Variants in ENTREP2 observed in about 807,000 individuals in gnomAD.
ENTREP2 encodes endosomal transmembrane epsin interactor 2.
At chr15:29,484,617 A>T in the ENTREP2 span, among the ~76,000 whole-genome samples, 6 of 152,120 alleles carry the variant, frequency 3.9e-5, no homozygotes, top group African/African-American at 1.4e-4. Flanking sequence ...TTTTACTGAG[A>T]AAAAAGGGAT....
chr15:29,195,745 G>C, the ENTREP2 span, among the ~76,000 whole-genome samples: 1 of 151,956 alleles, frequency 6.6e-6, no homozygotes, highest in South Asian at 2.1e-4. Flanking sequence ...GACTGGTCTC[G>C]AACTCCTGAC....
At chr15:29,263,514 T>G in the ENTREP2 span, among the ~76,000 whole-genome samples, 1 of 152,310 alleles carries the variant, frequency 6.6e-6, no homozygotes, top group African/African-American at 2.4e-5. Flanking sequence ...AGCGCACCCA[T>G]GTGGATGGTG....
the ENTREP2 span, among the ~76,000 whole-genome samples, chr15:29,632,207 G>A: frequency 6.6e-6 from 1 of 152,012 alleles, no homozygotes; most frequent in Non-Finnish European, 1.5e-5. Flanking sequence ...CTCAAGTCTT[G>A]AGTTCTCGAA....
the ENTREP2 span, chr15:29,117,737 C>CTATT: frequency 2.6e-5 from 4 of 154,246 alleles, no homozygotes; most frequent in South Asian, 2.0e-4. Context: ...TATTTAGATG[C>CTATT]TATTATTACT....
the ENTREP2 span, among the ~76,000 whole-genome samples, chr15:29,450,192 G>A: frequency 6.6e-6 from 1 of 152,078 alleles, no homozygotes; most frequent in Non-Finnish European, 1.5e-5. Context: ...CTCCCATCCT[G>A]TAGGCTGCCT....
the ENTREP2 span, among the ~76,000 whole-genome samples, chr15:29,241,282 C>T: frequency 6.6e-6 from 1 of 151,998 alleles, no homozygotes; most frequent in African/African-American, 2.4e-5. Flanking sequence ...TGAAGCAGCC[C>T]CCTAGATATA....
chr15:29,565,263 G>T, the ENTREP2 span, among the ~76,000 whole-genome samples: 1 of 152,102 alleles, frequency 6.6e-6, no homozygotes. Flanking sequence ...CAGAAAAAGG[G>T]GCACACACTG....
At chr15:29,561,373 G>A in the ENTREP2 span, among the ~76,000 whole-genome samples, 1 of 152,104 alleles carries the variant, frequency 6.6e-6, no homozygotes, top group African/African-American at 2.4e-5. Flanking sequence ...TCTTCCTACA[G>A]TAGAATAACA....
chr15:29,137,166 T>G, the ENTREP2 span: 1 of 1,481,020 alleles, frequency 6.8e-7, no homozygotes, highest in South Asian at 1.4e-5. Flanking sequence ...GCAGGTGGGG[T>G]TGGCAGGATG....
the ENTREP2 span, among the ~76,000 whole-genome samples, chr15:29,336,680 C>T: frequency 1.3e-5 from 2 of 152,162 alleles, no homozygotes; most frequent in African/African-American, 2.4e-5. Context: ...CACTTGGAGG[C>T]TCACCGTTTT....
At chr15:29,338,149 G>C in the ENTREP2 span, among the ~76,000 whole-genome samples, 1 of 152,048 alleles carries the variant, frequency 6.6e-6, no homozygotes, top group East Asian at 1.9e-4. Flanking sequence ...CACAGGGAGG[G>C]CACTTTTGAG....
the ENTREP2 span, among the ~76,000 whole-genome samples, chr15:29,390,323 G>A: frequency 3.9e-5 from 6 of 152,070 alleles, no homozygotes; most frequent in South Asian, 2.1e-4. Flanking sequence ...CCTTCATCCC[G>A]TTTAATTTAC....
the ENTREP2 span, among the ~76,000 whole-genome samples, chr15:29,247,900 C>T: frequency 6.6e-6 from 1 of 152,232 alleles, no homozygotes; most frequent in African/African-American, 2.4e-5. Context: ...TCCTGCAGAA[C>T]TGCACCCTGG....
the ENTREP2 span, chr15:29,196,649 A>G: frequency 7.0e-7 from 1 of 1,431,950 alleles, no homozygotes. Context: ...TTCAGAACAC[A>G]GGAAAATGGC....
chr15:29,583,159 A>G, the ENTREP2 span, among the ~76,000 whole-genome samples: 2 of 152,212 alleles, frequency 1.3e-5, no homozygotes, highest in Non-Finnish European at 2.9e-5. Flanking sequence ...TGCCAGAAAA[A>G]TGACATGAAA....
chr15:29,668,904 G>T, the ENTREP2 span, among the ~76,000 whole-genome samples: 5 of 152,304 alleles, frequency 3.3e-5, no homozygotes, highest in East Asian at 9.7e-4. Context: ...TGTCTGCTCT[G>T]CAGGCCCAGC....
the ENTREP2 span, among the ~76,000 whole-genome samples, chr15:29,127,765 C>A: frequency 1.4e-4 from 22 of 152,146 alleles, no homozygotes; most frequent in African/African-American, 5.1e-4. Flanking sequence ...TTTCCACCTG[C>A]CCTGAGATGG....
the ENTREP2 span, among the ~76,000 whole-genome samples, chr15:29,648,969 T>C: frequency 3.3e-5 from 5 of 150,386 alleles, no homozygotes; most frequent in African/African-American, 1.2e-4. Context: ...AAAACTGTAC[T>C]AGATGATAAC....
chr15:29,583,408 T>C, the ENTREP2 span, among the ~76,000 whole-genome samples: 2 of 152,174 alleles, frequency 1.3e-5, no homozygotes, highest in East Asian at 1.9e-4. Context: ...CAAACATGCA[T>C]GTTCTTACTT....
Sources: gnomAD v4.1 joint callset for allele counts (sites outside exome capture counted in the v4.1 genomes callset) on GRCh38, gnomAD v4.1.1 for gene constraint, MANE v1.5 for transcripts, NCBI Gene and HGNC (gene_info 2026-07-23, HGNC 2026-07-21) for gene names.